Variants in SOS1 observed in about 807,000 individuals in gnomAD.
SOS1 encodes the protein son of sevenless homolog 1.
Under a neutral mutation model 157.6 loss-of-function variants are expected in SOS1, and 25 were observed. The observed-to-expected ratio is 0.16, with a 90% CI of 0.12 to 0.22. The LOEUF (loss-of-function observed/expected upper bound fraction) is 0.22. Among genes scored for constraint, SOS1 ranks in the 10% least tolerant of loss-of-function variants. SOS1 has a pLI of 1.00. For missense variants in SOS1, 1,237 were observed against 1,599.1 expected (o/e 0.77, Z 3.86); for synonymous variants, 528 against 534.0 (o/e 0.99, Z 0.16).
chr2:39,090,381 T>C (rs750547619), intron 1 of SOS1, among the ~76,000 whole-genome samples: 1 of 152,100 alleles, frequency 6.6e-6, no homozygotes, highest in African/African-American at 2.4e-5. Flanking sequence ...AGCTCTTACA[T>C]ACAGTATTTT....
chr2:39,054,647 G>T lies in SOS1; in HGVS notation c.687C>A (p.Pro229=). 1 of 1,585,930 alleles carries T rather than the reference G, an allele frequency of 6.3e-7. No homozygotes were observed. Among genetic ancestry groups the T allele is most frequent in the Admixed American group, 1.7e-5 (1 of 59,958 alleles). The change falls in exon 5 of 23, where the codon CCC becomes CCA. Residue 229 remains proline (P), a synonymous_variant. Transcript: ENST00000402219. ...AAAACAATTTTGAATTGGAGACAAA[G>T]GGCTCTCTAAAAACTTTTATAATTA... The part of the protein sequence containing the change: ...LNLIIKVFRE[P]FVSNSKLFSA...
At chr2:39,084,836 G>A (rs1234173371) in intron 1 of SOS1, among the ~76,000 whole-genome samples, 1 of 152,012 alleles carries the variant, frequency 6.6e-6, no homozygotes, top group African/African-American at 2.4e-5. Context: ...ATATTACTAT[G>A]TGATAACAGA....
At chr2:39,088,352 A>AT (rs1467611391) in intron 1 of SOS1, among the ~76,000 whole-genome samples, 5 of 150,926 alleles carry the variant, frequency 3.3e-5, no homozygotes, top group Non-Finnish European at 7.4e-5. Context: ...ACACAACACA[A>AT]AATTTACCAT....
Position 39,044,382 on chromosome 2 carries a change from A to G in SOS1, c.864+6762T>C, listed in dbSNP as rs1040810167. Among the ~76,000 whole-genome samples, 5 of 152,216 alleles carry G rather than the reference A, an allele frequency of 3.3e-5. No homozygotes were observed. In the South Asian group the frequency reaches 1.0e-3, roughly 32 times the overall value. On this transcript the variant is annotated intron_variant, in intron 6 of 22. Coordinates refer to ENST00000402219, the MANE Select transcript of SOS1 (RefSeq NM_005633.4). ...TGTTATATCAATTTCTAATTCATTAATTCTGTTCCGTTACTTCCTTACATA... is the reference window on the plus strand; with the variant it reads ...TGTTATATCAATTTCTAATTCATTAGTTCTGTTCCGTTACTTCCTTACATA...
At chr2:39,094,631 C>T (rs905110662) in intron 1 of SOS1, among the ~76,000 whole-genome samples, 37 of 148,380 alleles carry the variant, frequency 2.5e-4, no homozygotes, top group African/African-American at 8.9e-4. Flanking sequence ...CCAGCCTGGA[C>T]GACAGAGCAA....
intron 13 of SOS1, 28 bp downstream of exon 13, chr2:39,013,432 A>G: frequency 7.7e-7 from 1 of 1,294,744 alleles, no homozygotes; most frequent in Non-Finnish European, 1.1e-6. Context: ...TTACATATAA[A>G]ACTAGGCACC....
At chr2:39,049,891 G>A (rs1670946160) in intron 6 of SOS1, among the ~76,000 whole-genome samples, 1 of 152,198 alleles carries the variant, frequency 6.6e-6, no homozygotes, top group Admixed American at 6.5e-5. Flanking sequence ...CCTGTTATAA[G>A]GAGGGACTTG....
chr2:38,987,313 C>T (rs1668586457), intron 22 of SOS1, among the ~76,000 whole-genome samples, 160 bp downstream of exon 22: 1 of 152,144 alleles, frequency 6.6e-6, no homozygotes, highest in African/African-American at 2.4e-5. Context: ...AAGAAAGAAA[C>T]ATTACTGCAT....
At chr2:39,033,163 C>G (rs1670225416) in intron 8 of SOS1, among the ~76,000 whole-genome samples, 1 of 143,178 alleles carries the variant, frequency 7.0e-6, no homozygotes, top group Non-Finnish European at 1.5e-5. Context: ...CTTCGCCTCC[C>G]AGGTTCAGGT....
chr2:39,014,492 T>C (rs936667637), intron 11 of SOS1, among the ~76,000 whole-genome samples: 2 of 152,102 alleles, frequency 1.3e-5, no homozygotes, highest in African/African-American at 4.8e-5. Flanking sequence ...GAATTTGAAT[T>C]TCTTGACTCT....
At chr2:39,082,853 G>A (rs535729095) in intron 1 of SOS1, among the ~76,000 whole-genome samples, 2 of 152,254 alleles carry the variant, frequency 1.3e-5, no homozygotes, top group South Asian at 2.1e-4. Context: ...GGGCATACAC[G>A]TAGACTGGGT....
chr2:39,005,078 C>A (rs1352832654), intron 17 of SOS1, among the ~76,000 whole-genome samples: 1 of 152,172 alleles, frequency 6.6e-6, no homozygotes, highest in Non-Finnish European at 1.5e-5. Flanking sequence ...CCAGTGGATA[C>A]CTGAAACTAT....
chr2:39,036,001 AAATCCGAACTGCCCAAAATT>A (rs776198315), intron 6 of SOS1, among the ~76,000 whole-genome samples: 4 of 152,208 alleles, frequency 2.6e-5, no homozygotes, highest in Non-Finnish European at 5.9e-5. Flanking sequence ...CAATTAAACA[AAATCCGAACTGCCCAAAATT>A]TTGCCATCAT....
Position 38,982,051 on chromosome 2 carries a change from G to A in SOS1, c.*3773C>T, listed in dbSNP as rs1003517092. 1 of 152,160 alleles carries A rather than the reference G, an allele frequency of 6.6e-6. No homozygotes were observed. Among genetic ancestry groups the A allele is most frequent in the African/African-American group, 2.4e-5 (1 of 41,436 alleles). 9.4% of individuals were successfully genotyped at this position (152,160 alleles called of 1,614,324 possible). ...GCGCTCTCCCTAAGCCACACCACAT[G>A]TACCTTCCATCATCTGTTATGCATC... On this transcript the variant is annotated 3_prime_UTR_variant, in exon 23 of 23. Transcript: ENST00000402219.
chr2:39,119,288 G>C (rs1673775344), intron 1 of SOS1, among the ~76,000 whole-genome samples: 1 of 152,206 alleles, frequency 6.6e-6, no homozygotes, highest in Non-Finnish European at 1.5e-5. Context: ...AAATATATGA[G>C]CAAATTCTCC....
intron 1 of SOS1, chr2:39,098,159 T>G (rs1280163737): frequency 5.8e-6 from 1 of 172,246 alleles, no homozygotes; most frequent in East Asian, 1.6e-4. Context: ...TCAGTCTATA[T>G]AGTTTGCAAG....
intron 6 of SOS1, among the ~76,000 whole-genome samples, chr2:39,044,259 T>A (rs970034212): frequency 1.3e-5 from 2 of 152,130 alleles, no homozygotes; most frequent in African/African-American, 4.8e-5. Flanking sequence ...GGCTGAGGCA[T>A]GAGAATTGCT....
Position 39,022,937 on chromosome 2 carries a change from T to C in SOS1, c.1491A>G (p.Arg497=), listed in dbSNP as rs1432437086. Reference sequence around the variant, plus strand: ...CATCTTTATCATTAATTTGTACCTTTCGCATAAAAAACTTTTCTTTAAGAC... The same window carrying C: ...CATCTTTATCATTAATTTGTACCTTCCGCATAAAAAACTTTTCTTTAAGAC... ...EYRLKEKFFM[R]KVQINDKDDT... Residue 497 remains arginine, a synonymous_variant, in exon 10 of 23, where the codon CGA becomes CGG. Coordinates refer to ENST00000402219, the MANE Select transcript of SOS1 (RefSeq NM_005633.4). The C allele has an allele frequency of 1.2e-6, 2 of 1,613,494 alleles. No homozygotes were observed. Among genetic ancestry groups the C allele is most frequent in the South Asian group, 1.1e-5 (1 of 91,068 alleles).
At chr2:38,998,959 A>C (rs1278299715) in intron 17 of SOS1, among the ~76,000 whole-genome samples, 1 of 152,184 alleles carries the variant, frequency 6.6e-6, no homozygotes. Context: ...CAGAGCTTTG[A>C]ACTGTTGGCT....
Sources: allele counts gnomAD v4.1 joint callset (sites outside exome capture counted in the v4.1 genomes callset), GRCh38; gene constraint gnomAD v4.1.1; transcripts MANE v1.5; gene names NCBI Gene and HGNC (gene_info 2026-07-23, HGNC 2026-07-21).